The following ALG9 variants were observed in gnomAD, a reference collection of about 807,000 sequenced individuals.
ALG9 encodes alpha-1,2-mannosyltransferase ALG9.
ALG9 carries 55 observed loss-of-function variants against 81.8 expected under a neutral mutation model. That is an observed-to-expected ratio of 0.67 (90% confidence interval 0.54 to 0.84). ALG9 has a LOEUF of 0.84. Ranked by LOEUF, ALG9 falls within the 40% of genes least tolerant of loss-of-function variation. The pLI is 0.00. For synonymous variants in ALG9, 278 were observed against 274.3 expected, an observed-to-expected ratio of 1.01 and a Z score of -0.13; for missense variants, 629 against 745.0, an observed-to-expected ratio of 0.84 and a Z score of 1.81.
At chr11:111,801,294 C>A (rs1245349539) in intron 14 of ALG9, among the ~76,000 whole-genome samples, 2 of 152,168 alleles carry the variant, frequency 1.3e-5, no homozygotes, top group Non-Finnish European at 2.9e-5. Context: ...CCTTAATTGG[C>A]CCAAAGTCAG....
chr11:111,870,800 CCTTTTCTTT>C (rs1964079000), intron 1 of ALG9: 1 of 1,007,226 alleles, frequency 9.9e-7, no homozygotes, highest in East Asian at 1.1e-4. Context: ...CTGTCATTCT[CCTTTTCTTT>C]CTTTTCTTAA....
At chr11:111,855,148 G>A (rs1158254532) in intron 6 of ALG9, among the ~76,000 whole-genome samples, 1 of 152,172 alleles carries the variant, frequency 6.6e-6, no homozygotes, top group Non-Finnish European at 1.5e-5. Context: ...TTATTTAAAG[G>A]ATCTGACGGT....
chr11:111,791,318 C>G (rs1555070229), intron 14 of ALG9, among the ~76,000 whole-genome samples: 2 of 152,170 alleles, frequency 1.3e-5, no homozygotes. Flanking sequence ...CACAGAAGTT[C>G]AAAGTGATAA....
At position 111,829,820 on chromosome 11, in the gene ALG9, C is replaced by T. The variant is rs782711029; in HGVS notation, c.1602+6345G>A. 8.5e-5 allele frequency among the ~76,000 whole-genome samples: 13 copies of T among 152,144 alleles called. 1 individual carries two copies. The South Asian group carries it at 1.4e-3, about 17-fold the overall frequency. ...AAACACCAGCATCACACTCTTGGAG[C>T]GGGACACAGCACAGAGTAAGCCTCT... On this transcript the variant is annotated intron_variant, in intron 13 of 14. Coordinates refer to ENST00000616540, the MANE Select transcript of ALG9 (RefSeq NM_024740.2).
At chr11:111,800,203 G>A (rs781986777) in intron 14 of ALG9, among the ~76,000 whole-genome samples, 11 of 152,108 alleles carry the variant, frequency 7.2e-5, no homozygotes, top group Non-Finnish European at 1.3e-4. Flanking sequence ...ACTCTAGGCC[G>A]GGTGTGGTGG....
At chr11:111,812,618 T>C (rs1412474103) in intron 13 of ALG9, among the ~76,000 whole-genome samples, 2 of 152,102 alleles carry the variant, frequency 1.3e-5, no homozygotes, top group Middle Eastern at 3.4e-3. Context: ...TGTAAAGCTA[T>C]AGAAATTAAT....
At chr11:111,808,203 G>C (rs528134738) in intron 14 of ALG9, among the ~76,000 whole-genome samples, 7 of 152,246 alleles carry the variant, frequency 4.6e-5, no homozygotes, top group Non-Finnish European at 1.0e-4. Flanking sequence ...TGAGAGTGTG[G>C]CTCAAGAGCC....
At chr11:111,791,445 G>A (rs1026740818) in intron 14 of ALG9, among the ~76,000 whole-genome samples, 4 of 152,180 alleles carry the variant, frequency 2.6e-5, no homozygotes, top group Non-Finnish European at 4.4e-5. Flanking sequence ...TCCAAGGTAC[G>A]CTAAGCAGGA....
At position 111,862,485 on chromosome 11, in the gene ALG9, C is replaced by T. The variant is rs564069591; in HGVS notation, c.477-1850G>A. 3.3e-5 allele frequency among the ~76,000 whole-genome samples: 5 copies of T among 151,782 alleles called. No homozygotes were observed. The South Asian group carries it at 6.2e-4, about 19-fold the overall frequency. ...CTGACCTCAAGTGATCCACCTGCCT[C>T]GGCCTCCCTAAGTGCTGGGATTACA... On this transcript the variant is annotated intron_variant, in intron 4 of 14. Transcript: ENST00000616540.
Position 111,837,600 on chromosome 11 carries a change from A to C in ALG9, c.1340T>G (p.Leu447Arg). 6.2e-7 allele frequency: 1 copy of C among 1,614,110 alleles called. No homozygotes were observed. Among genetic ancestry groups the C allele is most frequent in the Non-Finnish European group, 8.5e-7 (1 of 1,179,960 alleles). ...TCGGTAAAATTCTGGATACAAATCA[A>C]GGGGCCCGTGATATCCTGGAAGGGA... is the stretch of plus-strand genomic sequence containing the variant. ...VALFRGYHGP[L>R]DLYPEFYRIA... The change falls in exon 12 of 15, where the codon CTT becomes CGT. Residue 447 changes from leucine to arginine, a missense_variant. Leu to Arg is a moderately radical substitution (Grantham distance 102). Coordinates refer to ENST00000616540, the MANE Select transcript of ALG9 (RefSeq NM_024740.2).
At chr11:111,825,956 C>T (rs1405104012) in intron 13 of ALG9, among the ~76,000 whole-genome samples, 1 of 151,798 alleles carries the variant, frequency 6.6e-6, no homozygotes, top group African/African-American at 2.4e-5. Context: ...ATCCCAGCTA[C>T]TCAGGAAGCT....
chr11:111,829,050 G>C (rs1201670828), intron 13 of ALG9: 1 of 152,082 alleles, frequency 6.6e-6, no homozygotes, highest in Non-Finnish European at 1.5e-5. Flanking sequence ...AAAGTAACAT[G>C]ACTTGAATTA....
chr11:111,809,517 T>TACACACAC (rs4026119), intron 14 of ALG9, 126 bp downstream of exon 14: 200 of 940,502 alleles, frequency 2.1e-4, no homozygotes, highest in Middle Eastern at 5.7e-4. Flanking sequence ...GAGACTCCAT[T>TACACACAC]ACACACACAC....
chr11:111,806,203 C>A (rs1949908904), intron 14 of ALG9, among the ~76,000 whole-genome samples: 1 of 152,122 alleles, frequency 6.6e-6, no homozygotes, highest in South Asian at 2.1e-4. Flanking sequence ...CTCTAGTTAT[C>A]ACTTTTCCTG....
intron 6 of ALG9, among the ~76,000 whole-genome samples, chr11:111,853,947 G>T (rs112392055): frequency 2.4e-4 from 37 of 152,202 alleles, no homozygotes; most frequent in African/African-American, 8.4e-4. Flanking sequence ...TGAGCTGCTG[G>T]AATGAATTCC....
At chr11:111,835,381 C>T (rs1439318695) in intron 13 of ALG9, among the ~76,000 whole-genome samples, 2 of 152,272 alleles carry the variant, frequency 1.3e-5, no homozygotes, top group Middle Eastern at 3.4e-3. Flanking sequence ...AAGTAAAATT[C>T]GCATGGGATC....
chr11:111,816,704 G>A (rs1008604869), intron 13 of ALG9, among the ~76,000 whole-genome samples: 8 of 152,162 alleles, frequency 5.3e-5, no homozygotes, highest in Non-Finnish European at 7.3e-5. Context: ...CCACAGGCAT[G>A]TGCCACCATG....
At chr11:111,807,302 C>T (rs1950066457) in intron 14 of ALG9, among the ~76,000 whole-genome samples, 1 of 152,192 alleles carries the variant, frequency 6.6e-6, no homozygotes, top group Non-Finnish European at 1.5e-5. Flanking sequence ...CTATTCTTCA[C>T]TCTTGCTCAG....
chr11:111,838,111 A>C (rs1446358974), intron 11 of ALG9, 138 bp downstream of exon 11: 2 of 908,256 alleles, frequency 2.2e-6, no homozygotes, highest in African/African-American at 1.7e-5. Context: ...GCCACTCATT[A>C]ATATTAAGTC....
Sources: allele counts gnomAD v4.1 joint callset (sites outside exome capture counted in the v4.1 genomes callset), GRCh38; gene constraint gnomAD v4.1.1; transcripts MANE v1.5; gene names NCBI Gene and HGNC (gene_info 2026-07-23, HGNC 2026-07-21).